Variants in CPNE8 observed in about 807,000 individuals in gnomAD.
CPNE8 encodes the protein copine 8.
CPNE8 carries 45 observed loss-of-function variants against 81.5 expected under a neutral mutation model. The observed-to-expected ratio is 0.55, with a 90% confidence interval of 0.44 to 0.71. The LOEUF (loss-of-function observed/expected upper bound fraction) is 0.71. CPNE8 is among the 30% of genes least tolerant of loss of function. CPNE8 has a pLI of 0.00. For missense variants in CPNE8, 594 were observed against 672.1 expected (o/e 0.88, Z 1.28); for synonymous variants, 252 against 226.3 (o/e 1.11, Z -1.02).
intron 6 of CPNE8, among the ~76,000 whole-genome samples, chr12:38,782,705 G>A (rs1199062992): frequency 1.3e-5 from 2 of 151,480 alleles, no homozygotes; most frequent in African/African-American, 2.4e-5. Flanking sequence ...TTTTGAGACA[G>A]GGTCTCACTT....
At chr12:38,889,956 C>T (rs896879390) in intron 1 of CPNE8, among the ~76,000 whole-genome samples, 10 of 152,122 alleles carry the variant, frequency 6.6e-5, no homozygotes, top group Admixed American at 2.0e-4. Flanking sequence ...ATAAGTAGTT[C>T]GCAAAACCTC....
At position 38,805,484 on chromosome 12, in the gene CPNE8, G is replaced by C. The variant is rs1387670488; in HGVS notation, c.407+23895C>G. ...AATGAGATCACATGGACACAGGAAG[G>C]GGAATATCACACTCTGGGGACTGTG... On this transcript the variant is annotated intron_variant, in intron 6 of 19. Coordinates refer to ENST00000331366, the MANE Select transcript of CPNE8 (RefSeq NM_153634.3). Among the ~76,000 whole-genome samples the C allele has an allele frequency of 5.3e-3, 538 of 101,314 alleles. 7 individuals are homozygous for C. The highest frequency in any genetic ancestry group is 0.019 in the African/African-American group (514 of 27,572). 66.5% of individuals were successfully genotyped at this position (101,314 alleles called of 152,430 possible).
At chr12:38,679,353 G>C (rs368263032) in intron 16 of CPNE8, among the ~76,000 whole-genome samples, 4 of 151,936 alleles carry the variant, frequency 2.6e-5, no homozygotes, top group East Asian at 1.9e-4. Context: ...CACTATAAGA[G>C]AGTTATAGAT....
intron 6 of CPNE8, among the ~76,000 whole-genome samples, chr12:38,781,808 C>A (rs1010433670): frequency 1.3e-5 from 2 of 151,950 alleles, no homozygotes; most frequent in Non-Finnish European, 2.9e-5. Flanking sequence ...GGCCTTCTAC[C>A]CAAATCCTTA....
chr12:38,703,129 A>G (rs1475740613), intron 13 of CPNE8, among the ~76,000 whole-genome samples: 1 of 152,194 alleles, frequency 6.6e-6, no homozygotes, highest in African/African-American at 2.4e-5. Context: ...ACATATATTT[A>G]TAGTCACATA....
chr12:38,751,339 T>A (rs1337215000), intron 10 of CPNE8, among the ~76,000 whole-genome samples: 1 of 152,200 alleles, frequency 6.6e-6, no homozygotes, highest in African/African-American at 2.4e-5. Flanking sequence ...TTTAAAAAAA[T>A]TGTTAAAGTC....
chr12:38,761,502 AAACTT>A (rs1190405460), intron 9 of CPNE8, among the ~76,000 whole-genome samples: 1 of 152,352 alleles, frequency 6.6e-6, no homozygotes, highest in Non-Finnish European at 1.5e-5. Context: ...ATTTCAAAGA[AAACTT>A]AATAATAGTT....
At chr12:38,747,117 G>C (rs1941243410) in intron 10 of CPNE8, among the ~76,000 whole-genome samples, 1 of 152,144 alleles carries the variant, frequency 6.6e-6, no homozygotes, top group African/African-American at 2.4e-5. Flanking sequence ...TATTTTTAAA[G>C]AAAAGCAGAT....
At chr12:38,897,462 G>A (rs1431338571) in intron 1 of CPNE8, among the ~76,000 whole-genome samples, 2 of 151,880 alleles carry the variant, frequency 1.3e-5, no homozygotes, top group Non-Finnish European at 2.9e-5. Context: ...TGGAAAACAA[G>A]GGTTAAGTTA....
chr12:38,723,867 T>A (rs539143251), intron 12 of CPNE8, 34 bp from the exon 13 acceptor site: 1 of 1,258,604 alleles, frequency 7.9e-7, no homozygotes, highest in South Asian at 1.2e-5. Context: ...ACCTTCTAGT[T>A]GTTTGTGACC....
chr12:38,902,275 A>G lies in CPNE8; in HGVS notation c.98+3162T>C, dbSNP rs561086997. 4.7e-4 allele frequency among the ~76,000 whole-genome samples: 57 copies of G among 120,266 alleles called. 10 individuals are homozygous for G. Among genetic ancestry groups the G allele is most frequent in the African/African-American group, 1.9e-3 (57 of 29,328 alleles). 78.9% of individuals were successfully genotyped at this position (120,266 alleles called of 152,430 possible). ...AAAGAAAAAAGAAAGAAAGAAAAAGAAAAGAAAGAAGGAAGGAAGGAAAGG... is the reference window on the plus strand; with the variant it reads ...AAAGAAAAAAGAAAGAAAGAAAAAGGAAAGAAAGAAGGAAGGAAGGAAAGG... On this transcript the variant is annotated intron_variant, in intron 1 of 19. Transcript: ENST00000331366.
At chr12:38,887,277 C>T (rs1373064028) in intron 1 of CPNE8, among the ~76,000 whole-genome samples, 1 of 152,096 alleles carries the variant, frequency 6.6e-6, no homozygotes, top group African/African-American at 2.4e-5. Context: ...TGGAGAGATG[C>T]TCTCCAGGCA....
intron 13 of CPNE8, among the ~76,000 whole-genome samples, chr12:38,705,639 A>T (rs1940086786): frequency 6.6e-6 from 1 of 152,144 alleles, no homozygotes; most frequent in African/African-American, 2.4e-5. Flanking sequence ...CCTTTGAGGG[A>T]TTGAAAAGAA....
intron 1 of CPNE8, among the ~76,000 whole-genome samples, chr12:38,879,952 A>T (rs1944127091): frequency 6.6e-6 from 1 of 152,244 alleles, no homozygotes; most frequent in Admixed American, 6.5e-5. Flanking sequence ...ACACATTAAA[A>T]AATCTACTGC....
intron 13 of CPNE8, among the ~76,000 whole-genome samples, chr12:38,708,809 G>A (rs1193338097): frequency 6.6e-6 from 1 of 152,194 alleles, no homozygotes; most frequent in African/African-American, 2.4e-5. Flanking sequence ...CACATACAGA[G>A]AGTAATACCA....
intron 10 of CPNE8, among the ~76,000 whole-genome samples, chr12:38,760,262 C>T (rs997850608): frequency 2.0e-5 from 3 of 151,646 alleles, no homozygotes; most frequent in South Asian, 2.1e-4. Context: ...CATCATCCTA[C>T]GAAGATGACA....
intron 14 of CPNE8, among the ~76,000 whole-genome samples, chr12:38,699,120 T>C (rs1350670015): frequency 6.6e-6 from 1 of 152,230 alleles, no homozygotes; most frequent in Non-Finnish European, 1.5e-5. Context: ...TTTATTTTCA[T>C]TTTTAATTTA....
chr12:38,854,229 G>T (rs1056451896), intron 3 of CPNE8, among the ~76,000 whole-genome samples: 1 of 151,566 alleles, frequency 6.6e-6, no homozygotes, highest in Non-Finnish European at 1.5e-5. Context: ...CACAAAGAAG[G>T]TTTACATTCT....
Position 38,768,439 on chromosome 12 carries a change from C to G in CPNE8, c.472-701G>C, listed in dbSNP as rs1221114110. Among the ~76,000 whole-genome samples, 5 of 151,986 alleles carry G rather than the reference C, an allele frequency of 3.3e-5. No homozygotes were observed. In the East Asian group the frequency reaches 9.6e-4, roughly 29 times the overall value. On this transcript the variant is annotated intron_variant, in intron 7 of 19. Coordinates refer to ENST00000331366, the MANE Select transcript of CPNE8 (RefSeq NM_153634.3). ...GGGTATCATAACACATTATTGATAA[C>G]CATTTTTAAAGTAGAAAATGTATTG...
Sources: gnomAD v4.1 joint callset for allele counts (sites outside exome capture counted in the v4.1 genomes callset) on GRCh38, gnomAD v4.1.1 for gene constraint, MANE v1.5 for transcripts, NCBI Gene and HGNC (gene_info 2026-07-23, HGNC 2026-07-21) for gene names.